Variants in VEPH1 observed in about 807,000 individuals in gnomAD.
The protein encoded by VEPH1 is ventricular zone expressed PH domain containing 1, also known as ventricular zone-expressed PH domain-containing protein homolog 1.
A neutral mutation model predicts 85.2 loss-of-function variants in VEPH1; 80 were observed. The observed-to-expected ratio is 0.94, with a 90% CI of 0.78 to 1.13. The LOEUF (loss-of-function observed/expected upper bound fraction) is 1.13, where lower values mean the gene tolerates loss of function less well. VEPH1 is among the 50% of genes most tolerant of loss of function. The pLI is 0.00. For missense variants in VEPH1, 955 were observed against 980.5 expected, an observed-to-expected ratio of 0.97 and a Z score of 0.35; for synonymous variants, 297 against 348.0, an observed-to-expected ratio of 0.85 and a Z score of 1.63.
At chr3:157,472,598 T>A (rs1019083093) in intron 2 of VEPH1, among the ~76,000 whole-genome samples, 1 of 152,210 alleles carries the variant, frequency 6.6e-6, no homozygotes, top group African/African-American at 2.4e-5. Flanking sequence ...GAGTTTGTTA[T>A]ACAGATTACT....
intron 9 of VEPH1, 26 bp downstream of exon 9, chr3:157,363,338 A>C: frequency 6.6e-7 from 1 of 1,523,814 alleles, no homozygotes; most frequent in Non-Finnish European, 8.8e-7. Flanking sequence ...GAAGTTTCTC[A>C]GGTTTGGGAA....
intron 2 of VEPH1, among the ~76,000 whole-genome samples, chr3:157,491,076 G>A (rs1007513181): frequency 4.6e-5 from 7 of 152,094 alleles, no homozygotes; most frequent in African/African-American, 1.7e-4. Context: ...CCATGGATGT[G>A]TAGCAAAAAC....
intron 7 of VEPH1, among the ~76,000 whole-genome samples, chr3:157,369,993 C>T (rs1005356645): frequency 2.6e-5 from 4 of 152,130 alleles, no homozygotes; most frequent in African/African-American, 9.7e-5. Flanking sequence ...CTTTTGACCC[C>T]AGAGGTAATT....
chr3:157,275,689 TTA>T (rs1715303763), intron 12 of VEPH1, among the ~76,000 whole-genome samples: 1 of 152,190 alleles, frequency 6.6e-6, no homozygotes, highest in South Asian at 2.1e-4. Flanking sequence ...CTCCAAATTC[TTA>T]GTTTTTAAGT....
intron 7 of VEPH1, among the ~76,000 whole-genome samples, chr3:157,369,194 A>AAC (rs1560001311): frequency 1.9e-4 from 27 of 145,038 alleles, no homozygotes; most frequent in African/African-American, 6.6e-4. Context: ...AAAAAAAAAA[A>AAC]AAAAAAAAAA....
intron 5 of VEPH1, among the ~76,000 whole-genome samples, chr3:157,419,375 G>A (rs569261293): frequency 6.6e-6 from 1 of 152,282 alleles, no homozygotes; most frequent in East Asian, 1.9e-4. Flanking sequence ...TATCATCAGA[G>A]TGAACATATA....
chr3:157,351,305 G>A (rs538053433), intron 9 of VEPH1, among the ~76,000 whole-genome samples: 1 of 152,234 alleles, frequency 6.6e-6, no homozygotes, highest in Admixed American at 6.5e-5. Context: ...AATTAGCCTG[G>A]AGTGGTAGCG....
Position 157,265,530 on chromosome 3 carries a change from T to C in VEPH1, c.2261A>G (p.Lys754Arg). Residue 754 changes from lysine (K) to arginine (R), a missense_variant, in exon 13 of 14, where the codon AAG (lysine) becomes AGG (arginine). Coordinates refer to ENST00000362010, the MANE Select transcript of VEPH1 (RefSeq NM_001167912.2). ...AGNQLLFQKGKSKDDPDDCPI... is the reference protein window; with the variant it reads ...AGNQLLFQKGRSKDDPDDCPI... ...AAAGATGATGGAGGAACTTACAGAC[T>C]TTCCTTTTTGAAACAGAAGTTGATT... The C allele has an allele frequency of 1.2e-6, 2 of 1,612,360 alleles. No homozygotes were observed. The highest frequency in any genetic ancestry group is 1.3e-5 in the African/African-American group (1 of 75,018).
chr3:157,324,203 G>A (rs2108566003), intron 9 of VEPH1, among the ~76,000 whole-genome samples: 1 of 152,166 alleles, frequency 6.6e-6, no homozygotes, highest in African/African-American at 2.4e-5. Flanking sequence ...TTACAGGCAT[G>A]CGCCACCATG....
chr3:157,450,383 C>T lies in VEPH1; in HGVS notation c.529+9798G>A, dbSNP rs532376616. ...GAATATTTAAATGTTCTATTGTAGA[C>T]AATTATCACATTTTTCTAGAGATAA... On this transcript the variant is annotated intron_variant, in intron 4 of 13. Transcript: ENST00000362010. 7.9e-5 allele frequency among the ~76,000 whole-genome samples: 12 copies of T among 152,090 alleles called. No homozygotes were observed. In the East Asian group the frequency reaches 2.3e-3, roughly 29 times the overall value.
rs1176046432 is a variant in VEPH1, at chr3:157,279,177, G to A, written c.2128+7380C>T. ...TAGAGGTGATTACTGTAGTAAGAGC[G>A]TTACTCCAACAATGACTAGCTAGGT... is the stretch of plus-strand genomic sequence containing the variant. On this transcript the variant is annotated intron_variant, in intron 12 of 13. Coordinates refer to ENST00000362010, the MANE Select transcript of VEPH1 (RefSeq NM_001167912.2). Among the ~76,000 whole-genome samples, 7 of 152,240 alleles carry A rather than the reference G, an allele frequency of 4.6e-5. 1 individual carries two copies. The highest frequency in any genetic ancestry group is 5.9e-5 in the Non-Finnish European group (4 of 68,028).
rs564336826 is a variant in VEPH1 at position 157,412,338 on chromosome 3, TG to T, written c.906+1542del. 2.1e-3 allele frequency among the ~76,000 whole-genome samples: 315 copies of T among 152,340 alleles called. 1 individual carries two copies. Among genetic ancestry groups the T allele is most frequent in the Non-Finnish European group, 3.6e-3 (244 of 68,016 alleles). On this transcript the variant is annotated intron_variant, in intron 6 of 13. Coordinates refer to ENST00000362010, the MANE Select transcript of VEPH1 (RefSeq NM_001167912.2). Reference sequence around the variant, plus strand: ...TATACTGCATGTGGCTACTGTTTTTTGTTTTTCACAGATTACATCTTCCATG... The same window carrying T: ...TATACTGCATGTGGCTACTGTTTTTTTTTTTCACAGATTACATCTTCCATG...
chr3:157,405,939 A>G (rs141055722), intron 6 of VEPH1, among the ~76,000 whole-genome samples: 2 of 152,318 alleles, frequency 1.3e-5, no homozygotes, highest in Non-Finnish European at 2.9e-5. Context: ...GCTCCACCCT[A>G]TATCACTGAG....
At chr3:157,428,861 C>T (rs1339655551) in intron 4 of VEPH1, among the ~76,000 whole-genome samples, 1 of 152,126 alleles carries the variant, frequency 6.6e-6, no homozygotes, top group African/African-American at 2.4e-5. Flanking sequence ...CTAAGCAGTG[C>T]TGTAATCATG....
At chr3:157,400,609 T>C (rs978570806) in intron 6 of VEPH1, among the ~76,000 whole-genome samples, 8 of 152,020 alleles carry the variant, frequency 5.3e-5, no homozygotes, top group African/African-American at 1.7e-4. Flanking sequence ...GTCAAATAAG[T>C]TTTTTTCAAT....
chr3:157,479,849 A>C (rs1461247616), intron 2 of VEPH1, among the ~76,000 whole-genome samples: 1 of 152,216 alleles, frequency 6.6e-6, no homozygotes. Flanking sequence ...AAGGATTTAC[A>C]ACAGTGTCTG....
intron 2 of VEPH1, among the ~76,000 whole-genome samples, chr3:157,488,508 T>C (rs1738879685): frequency 8.3e-6 from 1 of 119,902 alleles, no homozygotes; most frequent in East Asian, 2.0e-4. Flanking sequence ...TCTTTCTTTC[T>C]TTTTTTTTTT....
chr3:157,497,769 C>T (rs1577822136), intron 1 of VEPH1, among the ~76,000 whole-genome samples: 1 of 152,202 alleles, frequency 6.6e-6, no homozygotes, highest in Middle Eastern at 3.2e-3. Flanking sequence ...GTCCCACATT[C>T]ATGCTGCCAA....
At chr3:157,424,236 T>C (rs4680361) in intron 5 of VEPH1, among the ~76,000 whole-genome samples, 104,293 of 152,084 alleles carry the variant, frequency 0.69, 36,877 homozygotes, top group African/African-American at 0.86. Flanking sequence ...ACTGCCACCA[T>C]GTAAGAAGTG....
Sources: allele counts gnomAD v4.1 joint callset (sites outside exome capture counted in the v4.1 genomes callset), GRCh38; gene constraint gnomAD v4.1.1; transcripts MANE v1.5; gene names NCBI Gene and HGNC (gene_info 2026-07-23, HGNC 2026-07-21).